Variants in USP54 observed in about 807,000 individuals in gnomAD.
USP54 encodes the protein ubiquitin specific peptidase 54.
A neutral mutation model predicts 170.5 loss-of-function variants in USP54; 87 were observed. The observed-to-expected ratio is 0.51, with a 90% CI of 0.43 to 0.61. USP54 has a LOEUF of 0.61. USP54 is among the 20% of genes least tolerant of loss of function. The probability of loss-of-function intolerance (pLI) is 0.00; values close to 1 mark genes in which losing one functional copy is unlikely to be tolerated. For synonymous variants in USP54, 655 were observed against 742.8 expected (o/e 0.88, Z 1.92); for missense variants, 1,786 against 2,047.8 (o/e 0.87, Z 2.47).
At chr10:73,508,825 G>T (rs1282819923) in intron 20 of USP54, among the ~76,000 whole-genome samples, 2 of 151,848 alleles carry the variant, frequency 1.3e-5, no homozygotes, top group African/African-American at 4.8e-5. Context: ...ATGCCACCAT[G>T]CCCGACTAAT....
rs761177656 is a variant in USP54 at position 73,516,917 on chromosome 10, G to A, written c.3509C>T (p.Pro1170Leu). The change falls in exon 20 of 24, where the codon CCT becomes CTT. Residue 1170 changes from proline to leucine, a missense_variant. Pro to Leu is a moderately conservative substitution (Grantham distance 98). This residue lies in a region of USP54 where 1,418 missense variants were observed against 1,569.0 expected (regional missense o/e 0.90). Transcript: ENST00000687698. The part of the protein sequence containing the change: ...RKNSSPSDSK[P>L]PFSQGQEKGH... ...TTTCTCTTGACCCTGTGAGAAAGGA[G>A]GCTTAGAATCAGAAGGGGAAGAGTT... The A allele has an allele frequency of 6.2e-6, 10 of 1,614,234 alleles. No individual in the cohort carries two copies. In the Admixed American group the frequency reaches 1.5e-4, roughly 24 times the overall value.
At chr10:73,509,935 C>G (rs1234355724) in intron 20 of USP54, among the ~76,000 whole-genome samples, 2 of 152,022 alleles carry the variant, frequency 1.3e-5, no homozygotes, top group Non-Finnish European at 2.9e-5. Flanking sequence ...TCAGCAGTGG[C>G]CCTGATGACA....
chr10:73,546,641 G>C (rs1422117989), intron 4 of USP54: 1 of 152,082 alleles, frequency 6.6e-6, no homozygotes, highest in East Asian at 1.9e-4. Context: ...AGCCTTATTA[G>C]TATTTTTCAT....
intron 1 of USP54, among the ~76,000 whole-genome samples, chr10:73,616,312 T>C (rs1394961932): frequency 8.7e-6 from 1 of 115,400 alleles, no homozygotes; most frequent in Non-Finnish European, 1.6e-5. Context: ...CACTCCAGCC[T>C]AGGCGACAGC....
chr10:73,562,719 T>G (rs562668207), intron 4 of USP54, among the ~76,000 whole-genome samples: 11 of 152,224 alleles, frequency 7.2e-5, no homozygotes, highest in Non-Finnish European at 1.3e-4. Flanking sequence ...ATTTCCATTT[T>G]TCTACAATCT....
At chr10:73,595,412 A>G (rs1485126680), upstream of USP54, among the ~76,000 whole-genome samples, 1 of 152,194 alleles carries the variant, frequency 6.6e-6, no homozygotes, top group Non-Finnish European at 1.5e-5. Flanking sequence ...ATTACTGAGA[A>G]GAGGAATATT....
chr10:73,622,049 AAAAG>A (rs1462865369), intron 1 of USP54, among the ~76,000 whole-genome samples: 1 of 152,184 alleles, frequency 6.6e-6, no homozygotes, highest in Admixed American at 6.5e-5. Flanking sequence ...CCTTCCCTAC[AAAAG>A]AAAGAAATCT....
In USP54 at chr10:73,530,772, C is replaced by G; in HGVS notation, c.1379G>C (p.Arg460Pro). 6.2e-7 allele frequency: 1 copy of G among 1,614,042 alleles called. No homozygotes were observed. The highest frequency in any genetic ancestry group is 1.1e-5 in the South Asian group (1 of 91,074). ...CCTAACCCGACCAGAGCTCCTCTTGCGCTCTATCAGTGACCCTTTCTTGGA... is the reference window on the plus strand; with the variant it reads ...CCTAACCCGACCAGAGCTCCTCTTGGGCTCTATCAGTGACCCTTTCTTGGA... ...HTSKKGSLIE[R>P]KRSSGRVRRK... The change falls in exon 13 of 24, where the codon CGC (arginine) becomes CCC (proline). Residue 460 changes from arginine (R) to proline (P), a missense_variant. Physicochemically the swap from Arg to Pro is moderately radical, Grantham distance 103. Transcript: ENST00000687698.
chr10:73,520,905 T>C lies in USP54; in HGVS notation c.2482+3A>G. The C allele has an allele frequency of 6.2e-7, 1 of 1,614,158 alleles. No individual in the cohort carries two copies. The highest frequency in any genetic ancestry group is 8.5e-7 in the Non-Finnish European group (1 of 1,180,038). On this transcript the variant is annotated splice_donor_region_variant and intron_variant, in intron 18 of 23. Coordinates refer to ENST00000687698, the MANE Select transcript of USP54 (RefSeq NM_001391956.1). The stretch of plus-strand genomic sequence containing the variant: ...CACAGCCATAGCAGTTAGAGTTACT[T>C]ACAGATAGCTTCATTACAGAGAGCC...
At position 73,569,215 on chromosome 10, in the gene USP54, G is replaced by T. The variant is rs74569499; in HGVS notation, c.240+2206C>A. The stretch of plus-strand genomic sequence containing the variant: ...TCTCCCTTTCTGAATGACTTTTTTT[G>T]TTGTTGTTTTTTTCTCCCTAGCATG... On this transcript the variant is annotated intron_variant, in intron 4 of 23. Transcript: ENST00000687698. 9.4e-3 allele frequency among the ~76,000 whole-genome samples: 1,430 copies of T among 151,680 alleles called. 24 individuals are homozygous for T. Among genetic ancestry groups the T allele is most frequent in the African/African-American group, 0.033 (1,345 of 41,286 alleles).
In USP54 at chr10:73,517,076, G is replaced by C. The variant is rs766179582; in HGVS notation, c.3350C>G (p.Thr1117Ser). ...TGTGCTGGGAAACTCTGGCCTATAGGTCTCCTCACTGCCTCTGTCCACTTT... is the reference window on the plus strand; with the variant it reads ...TGTGCTGGGAAACTCTGGCCTATAGCTCTCCTCACTGCCTCTGTCCACTTT... ...TLKVDRGSEE[T>S]YRPEFPSTKG... Residue 1117 changes from threonine (T) to serine (S), a missense_variant, in exon 20 of 24, where the codon ACC (threonine) becomes AGC (serine). Thr to Ser is a moderately conservative substitution (Grantham distance 58). This residue lies in a region of USP54 where 1,418 missense variants were observed against 1,569.0 expected (regional missense o/e 0.90). Coordinates refer to ENST00000687698, the MANE Select transcript of USP54 (RefSeq NM_001391956.1). 15 of 1,614,090 alleles carry C rather than the reference G, an allele frequency of 9.3e-6. No individual in the cohort carries two copies. Among genetic ancestry groups the C allele is most frequent in the Admixed American group, 3.3e-5 (2 of 60,012 alleles).
At chr10:73,604,936 A>G (rs564512938) in intron 1 of USP54, among the ~76,000 whole-genome samples, 1 of 152,186 alleles carries the variant, frequency 6.6e-6, no homozygotes, top group South Asian at 2.1e-4. Flanking sequence ...GCTGGGGTGG[A>G]CAGCTTTTAT....
chr10:73,533,271 A>C (rs2064427230), intron 12 of USP54, among the ~76,000 whole-genome samples: 1 of 151,712 alleles, frequency 6.6e-6, no homozygotes, highest in East Asian at 1.9e-4. Context: ...GTGCCACTGC[A>C]CTCCAGCCTG....
At chr10:73,576,954 T>C (rs1439812190) in intron 1 of USP54, among the ~76,000 whole-genome samples, 2 of 152,206 alleles carry the variant, frequency 1.3e-5, no homozygotes, top group South Asian at 4.1e-4. Flanking sequence ...TGCCAGAGGA[T>C]CAGAGAGATA....
At chr10:73,608,245 G>A (rs948721395) in intron 1 of USP54, among the ~76,000 whole-genome samples, 1 of 151,942 alleles carries the variant, frequency 6.6e-6, no homozygotes, top group African/African-American at 2.4e-5. Context: ...GGGCAACAGA[G>A]CGAGATTCCA....
chr10:73,546,075 T>C (rs1564781095), intron 4 of USP54, among the ~76,000 whole-genome samples: 1 of 152,208 alleles, frequency 6.6e-6, no homozygotes, highest in Non-Finnish European at 1.5e-5. Flanking sequence ...ACCCCCTTTC[T>C]TTTAAAATTT....
chr10:73,571,276 C>A, intron 4 of USP54, 145 bp downstream of exon 4: 1 of 631,958 alleles, frequency 1.6e-6, no homozygotes, highest in Non-Finnish European at 2.6e-6. Flanking sequence ...AGCAAGCAAA[C>A]AAATCATATC....
chr10:73,561,625 A>G lies in USP54; in HGVS notation c.240+9796T>C, dbSNP rs190965092. ...TCTAAGAGGTAGACATAGCAAGTGC[A>G]TTGTTATCACAGTTGAAATGCAGAA... is the stretch of plus-strand genomic sequence containing the variant. On this transcript the variant is annotated intron_variant, in intron 4 of 23. Transcript: ENST00000687698. Among the ~76,000 whole-genome samples, 17 of 152,368 alleles carry G rather than the reference A, an allele frequency of 1.1e-4. 1 individual carries two copies. The highest frequency in any genetic ancestry group is 8.3e-4 in the South Asian group (4 of 4,832).
intron 20 of USP54, among the ~76,000 whole-genome samples, chr10:73,514,422 C>T (rs555096671): frequency 1.2e-4 from 18 of 151,924 alleles, no homozygotes; most frequent in South Asian, 8.3e-4. Flanking sequence ...ATTAGCTGGG[C>T]GTGGTGGCAC....
Sources: allele counts gnomAD v4.1 joint callset (sites outside exome capture counted in the v4.1 genomes callset), GRCh38; gene constraint gnomAD v4.1.1; regional missense constraint gnomAD v4.1.1; transcripts MANE v1.5; gene names NCBI Gene and HGNC (gene_info 2026-07-23, HGNC 2026-07-21).